IL24: variants seen among roughly 807,000 people sequenced by gnomAD.
IL24 encodes interleukin-24.
IL24 carries 24 observed loss-of-function variants against 27.6 expected under a neutral mutation model. That is an observed-to-expected ratio of 0.87 (90% CI 0.63 to 1.22). IL24 has a LOEUF of 1.22. Among genes scored for constraint, IL24 ranks in the 50% most tolerant of loss-of-function variants. The pLI is 0.00. For missense variants in IL24, 240 were observed against 237.0 expected (o/e 1.01, Z -0.08); for synonymous variants, 99 against 93.1 (o/e 1.06, Z -0.36).
chr1:206,902,277 T>C (rs1678421629), intron 6 of IL24: 1 of 985,376 alleles, frequency 1.0e-6, no homozygotes. Flanking sequence ...AGTTTTCAAG[T>C]TAAAGTGCTT....
At chr1:206,900,492 C>T in intron 4 of IL24, 135 bp downstream of exon 4, 1 of 768,904 alleles carries the variant, frequency 1.3e-6, no homozygotes, top group Non-Finnish European at 2.3e-6. Flanking sequence ...CAGGGCCAGA[C>T]TGTGAGCCAG....
rs760534790 is a variant in IL24 at position 206,900,357 on chromosome 1, G to A, written c.303G>A (p.Ser101=). 14 of 1,613,860 alleles carry A rather than the reference G, an allele frequency of 8.7e-6. No homozygotes were observed. The highest frequency in any genetic ancestry group is 1.7e-5 in the Admixed American group (1 of 59,998). Residue 101 remains serine, a splice_region_variant and synonymous_variant, in exon 4 of 7, where the codon TCG becomes TCA. Transcript: ENST00000294984. ...AGCAGGAGGTTCTGCAGAACGTCTC[G>A]GTAATCAGACCTCGGGGACACCACC... The part of the protein sequence containing the change: ...LLQQEVLQNV[S]DAESCYLVHT...
chr1:206,900,308 A>AG lies in IL24; in HGVS notation c.254_255insG (p.Asn85LysfsTer20). On this transcript the variant is annotated frameshift_variant, in exon 4 of 7. Transcript: ENST00000294984. LOFTEE classifies it high-confidence loss of function. ...CTGTTTGCCAAGCAAGCTCAGGATA[A>AG]CATCACGAGTGCCCGGCTGCTGCAG... 1 of 1,613,880 alleles carries AG rather than the reference A, an allele frequency of 6.2e-7. No homozygotes were observed. The highest frequency in any genetic ancestry group is 2.2e-5 in the East Asian group (1 of 44,842).
Position 206,901,642 on chromosome 1 carries a change from T to G in IL24, c.452T>G (p.Leu151Arg). The G allele has an allele frequency of 6.2e-7, 1 of 1,613,520 alleles. No homozygotes were observed. Among genetic ancestry groups the G allele is most frequent in the Non-Finnish European group, 8.5e-7 (1 of 1,179,512 alleles). Reference sequence around the variant, plus strand: ...AACTTTGTTCTCATCGTGTCACAACTGCAACCCAGTGTGAGTAGCACACGC... The same window carrying G: ...AACTTTGTTCTCATCGTGTCACAACGGCAACCCAGTGTGAGTAGCACACGC... ...ANNFVLIVSQ[L>R]QPSQENEMFS... The change falls in exon 5 of 7, where the codon CTG becomes CGG. Residue 151 changes from leucine to arginine, a missense_variant. Leu to Arg is a moderately radical substitution (Grantham distance 102). Coordinates refer to ENST00000294984, the MANE Select transcript of IL24 (RefSeq NM_006850.3).
intron 6 of IL24, 42 bp from the exon 7 acceptor site, chr1:206,902,934 C>T (rs2102528822): frequency 6.2e-7 from 1 of 1,613,984 alleles, no homozygotes; most frequent in African/African-American, 1.3e-5. Context: ...AGACTATTCT[C>T]ATAGCTAACA....
chr1:206,902,133 C>T (rs1259002448), intron 6 of IL24, 61 bp downstream of exon 6: 43 of 1,601,324 alleles, frequency 2.7e-5, no homozygotes, highest in Middle Eastern at 1.7e-4. Context: ...CACCATCACA[C>T]GAGGGCGCCT....
Position 206,902,028 on chromosome 1 carries a change from A to G in IL24, c.493A>G (p.Ser165Gly), listed in dbSNP as rs1558641804. The G allele has an allele frequency of 6.2e-7, 1 of 1,614,102 alleles. No homozygotes were observed. The highest frequency in any genetic ancestry group is 8.5e-7 in the Non-Finnish European group (1 of 1,180,008). ...QENEMFSIRD[S>G]AHRRFLLFRR... is the part of the protein sequence containing the mutation. ...AAATGAGATGTTTTCCATCAGAGAC[A>G]GTGCACACAGGCGGTTTCTGCTATT... The change falls in exon 6 of 7, where the codon AGT (serine) becomes GGT (glycine). Residue 165 changes from serine to glycine, a missense_variant. Physicochemically the swap from Ser to Gly is moderately conservative, Grantham distance 56. Coordinates refer to ENST00000294984, the MANE Select transcript of IL24 (RefSeq NM_006850.3).
rs1339457422 is a variant in IL24 at position 206,899,449 on chromosome 1, C to T, written c.174C>T (p.Pro58=). 6.2e-7 allele frequency: 1 copy of T among 1,613,970 alleles called. No individual in the cohort carries two copies. Residue 58 remains proline, a synonymous_variant, in exon 3 of 7, where the codon CCC becomes CCT. Coordinates refer to ENST00000294984, the MANE Select transcript of IL24 (RefSeq NM_006850.3). ...GAQGQEFHFG[P]CQVKGVVPQK... ...AGGGCCAAGAATTCCACTTTGGGCC[C>T]TGCCAAGTGAAGGGGGTTGTTCCCC...
rs754725831 is a variant in IL24, at chr1:206,903,265, C to G, written c.*206C>G. ...GGTGCCTCTGGATGCTGTGAAGAGT[C>G]TACAGAGAAGATTCTTGTATTTATT... On this transcript the variant is annotated 3_prime_UTR_variant, in exon 7 of 7. Coordinates refer to ENST00000294984, the MANE Select transcript of IL24 (RefSeq NM_006850.3). The G allele has an allele frequency of 2.6e-4, 137 of 532,304 alleles. No individual in the cohort carries two copies. Among genetic ancestry groups the G allele is most frequent in the Middle Eastern group, 5.1e-4 (1 of 1,952 alleles). The allele number at this position is 532,304 out of a possible 1,614,324, so 33.0% of individuals were successfully genotyped here. A position where few individuals can be genotyped will look rare whatever the true frequency, so the allele number is the denominator to read the frequency against.
intron 3 of IL24, 97 bp from the exon 4 acceptor site, chr1:206,900,198 G>A: frequency 8.9e-7 from 1 of 1,117,978 alleles, no homozygotes; most frequent in Admixed American, 1.7e-5. Flanking sequence ...TCACAGACTA[G>A]ATAGATTTAG....
At position 206,902,101 on chromosome 1, in the gene IL24, T is replaced by C. The variant is rs748012828; in HGVS notation, c.537+29T>C. On this transcript the variant is annotated intron_variant, in intron 6 of 6. Transcript: ENST00000294984. ...AGGCCAAGAGCTGAGAGCTTGCCCA[T>C]CCAGCAGAATAGACTAGTCTGCACC... The C allele has an allele frequency of 2.5e-6, 4 of 1,613,434 alleles. No individual in the cohort carries two copies. The African/African-American group carries it at 5.3e-5, about 22-fold the overall frequency.
At chr1:206,901,879 A>G in intron 5 of IL24, 119 bp from the exon 6 acceptor site, 3 of 1,061,132 alleles carry the variant, frequency 2.8e-6, no homozygotes, top group Non-Finnish European at 4.3e-6. Flanking sequence ...GGAATGCAGG[A>G]TTCAGCCCTG....
At chr1:206,898,097 G>A (rs528487564) in intron 2 of IL24, among the ~76,000 whole-genome samples, 135 of 150,566 alleles carry the variant, frequency 9.0e-4, no homozygotes, top group Non-Finnish European at 1.6e-3. Context: ...AACCTGGTAG[G>A]CAGAGGTTGC....
At chr1:206,901,020 G>A (rs967049936) in intron 4 of IL24, among the ~76,000 whole-genome samples, 13 of 152,126 alleles carry the variant, frequency 8.5e-5, no homozygotes, top group African/African-American at 3.1e-4. Context: ...TGGCACTTCA[G>A]GAGCTTGAGG....
rs180954857 is a variant in IL24, at chr1:206,902,713, G to T, written c.538-263G>T. Reference sequence around the variant, plus strand: ...ATATCCATCCCATACTGCAGTTTGTGGTTGCTGTTGTTAGGGGTGCCATAT... The same window carrying T: ...ATATCCATCCCATACTGCAGTTTGTTGTTGCTGTTGTTAGGGGTGCCATAT... On this transcript the variant is annotated intron_variant, in intron 6 of 6. Transcript: ENST00000294984. 725 of 985,330 alleles carry T rather than the reference G, an allele frequency of 7.4e-4. 11 individuals carry two copies. The African/African-American group carries it at 0.012, about 17-fold the overall frequency. 61.0% of individuals were successfully genotyped at this position (985,330 alleles called of 1,614,324 possible).
intron 2 of IL24, among the ~76,000 whole-genome samples, chr1:206,898,247 C>T (rs1210218515): frequency 6.6e-6 from 1 of 151,818 alleles, no homozygotes; most frequent in African/African-American, 2.4e-5. Flanking sequence ...AAGCATAGCC[C>T]CCGTCCCCCG....
Position 206,900,313 on chromosome 1 carries a change from AC to A in IL24, c.260del (p.Thr87ArgfsTer31). On this transcript the variant is annotated frameshift_variant, in exon 4 of 7. Coordinates refer to ENST00000294984, the MANE Select transcript of IL24 (RefSeq NM_006850.3). LOFTEE classifies it high-confidence loss of function. ...KDTMQAQDNI[T>X]SARLLQQEVL... Reference sequence around the variant, plus strand: ...TGCCAAGCAAGCTCAGGATAACATCACGAGTGCCCGGCTGCTGCAGCAGGAG... The same window carrying A: ...TGCCAAGCAAGCTCAGGATAACATCAGAGTGCCCGGCTGCTGCAGCAGGAG... 2 of 1,613,924 alleles carry A rather than the reference AC, an allele frequency of 1.2e-6. No individual in the cohort carries two copies. The highest frequency in any genetic ancestry group is 1.7e-6 in the Non-Finnish European group (2 of 1,179,956).
intron 5 of IL24, 87 bp downstream of exon 5, chr1:206,901,739 C>A (rs1678392578): frequency 8.8e-7 from 1 of 1,130,112 alleles, no homozygotes. Context: ...CTGCAAAGTC[C>A]TCCACCTCCC....
At chr1:206,901,792 TGCCTG>T (rs1052749410) in intron 5 of IL24, 140 bp downstream of exon 5, 9 of 863,754 alleles carry the variant, frequency 1.0e-5, no homozygotes, top group Non-Finnish European at 1.6e-5. Context: ...TGATCACTCC[TGCCTG>T]GCAGGATTGC....
Sources: allele counts gnomAD v4.1 joint callset (sites outside exome capture counted in the v4.1 genomes callset), GRCh38; gene constraint gnomAD v4.1.1; transcripts MANE v1.5; gene names NCBI Gene and HGNC (gene_info 2026-07-23, HGNC 2026-07-21).